Variants in SCNN1D observed in about 807,000 individuals in gnomAD.
SCNN1D encodes sodium channel epithelial 1 subunit delta, also known as epithelial sodium channel subunit delta.
In SCNN1D, 104 loss-of-function variants were observed where a neutral mutation model predicts 87.8. That is an observed-to-expected ratio of 1.18 (90% CI 1.01 to 1.39). SCNN1D has a LOEUF of 1.39. Ranked by LOEUF, SCNN1D falls within the 40% of genes most tolerant of loss-of-function variation. The pLI is 0.00. For synonymous variants in SCNN1D, 628 were observed against 481.2 expected (o/e 1.31, Z -3.99); for missense variants, 1,324 against 1,093.9 (o/e 1.21, Z -2.97).
At chr1:1,289,934 GTC>G (rs1452613988) in intron 12 of SCNN1D, among the ~76,000 whole-genome samples, 4 of 56,996 alleles carry the variant, frequency 7.0e-5, no homozygotes, top group African/African-American at 1.6e-4. Context: ...CGTCCCCCGT[GTC>G]TCTGCTCCGT....
intron 7 of SCNN1D, 68 bp from the exon 8 acceptor site, chr1:1,286,700 C>T (rs989647488): frequency 2.7e-6 from 4 of 1,467,838 alleles, no homozygotes; most frequent in African/African-American, 1.4e-5. Context: ...CGACAGCACA[C>T]ACTGGGATGC....
chr1:1,288,219 T>TCCCGTGTCTCTGCTCCGTCC (rs1557584152), intron 12 of SCNN1D, among the ~76,000 whole-genome samples, 182 bp downstream of exon 12: 7 of 137,928 alleles, frequency 5.1e-5, no homozygotes, highest in Non-Finnish European at 7.9e-5. Flanking sequence ...CTCTGCTCCG[T>TCCCGTGTCTCTGCTCCGTCC]CCCGTGTCTC....
intron 4 of SCNN1D, among the ~76,000 whole-genome samples, chr1:1,282,998 C>T (rs1031348426): frequency 6.6e-6 from 1 of 151,978 alleles, no homozygotes; most frequent in East Asian, 1.9e-4. Flanking sequence ...GTGATCCGCC[C>T]GCCTCGGCCT....
chr1:1,282,634 A>G (rs1038146182), intron 4 of SCNN1D, among the ~76,000 whole-genome samples: 5 of 152,082 alleles, frequency 3.3e-5, no homozygotes, highest in Non-Finnish European at 5.9e-5. Context: ...ATGTGGTCTT[A>G]GCATGTGTGA....
At chr1:1,283,754 C>T (rs1640515613) in intron 4 of SCNN1D, among the ~76,000 whole-genome samples, 1 of 151,840 alleles carries the variant, frequency 6.6e-6, no homozygotes, top group Admixed American at 6.6e-5. Context: ...CCAACACTGT[C>T]CTCCCCCTCC....
chr1:1,284,321 TG>T (rs1267397917), intron 5 of SCNN1D, among the ~76,000 whole-genome samples: 91 of 38,624 alleles, frequency 2.4e-3, no homozygotes, highest in African/African-American at 8.4e-3. Context: ...GGGGTAGGGG[TG>T]GGGGGGTGGG....
chr1:1,288,541 GC>G (rs1640684584), intron 12 of SCNN1D, among the ~76,000 whole-genome samples: 4 of 54,660 alleles, frequency 7.3e-5, no homozygotes, highest in Admixed American at 2.8e-4. Flanking sequence ...CCGTGTCTCT[GC>G]TCCGTCCCCC....
intron 4 of SCNN1D, 80 bp from the exon 5 acceptor site, chr1:1,283,898 C>A: frequency 1.4e-6 from 1 of 706,576 alleles, no homozygotes; most frequent in Non-Finnish European, 2.1e-6. Flanking sequence ...CTTTTGGGTC[C>A]GGGGCAGGTG....
intron 9 of SCNN1D, 93 bp from the exon 10 acceptor site, chr1:1,287,415 T>C (rs889804231): frequency 6.0e-6 from 9 of 1,490,130 alleles, no homozygotes; most frequent in Non-Finnish European, 6.3e-6. Context: ...GGAGGAACTT[T>C]CCGCAGACAC....
rs369618401 is a variant in SCNN1D, at chr1:1,290,491, C to A, written c.1795C>A (p.Arg599Ser). 1 of 1,612,604 alleles carries A rather than the reference C, an allele frequency of 6.2e-7. No homozygotes were observed. Among genetic ancestry groups the A allele is most frequent in the Non-Finnish European group, 8.5e-7 (1 of 1,179,932 alleles). Reference protein sequence around the residue: ...RHPAWGHCFYRLYQDLETHRL... With the variant: ...RHPAWGHCFYSLYQDLETHRL... ...CCCTCCCCAAGGACACTGCTTCTAC[C>A]GCCTCTACCAGGACCTGGAGACCCA... The change falls in exon 14 of 18, where the codon CGC (arginine) becomes AGC (serine). Residue 599 changes from arginine to serine, a missense_variant. Coordinates refer to ENST00000379116, the MANE Select transcript of SCNN1D (RefSeq NM_001130413.4).
chr1:1,287,734 C>A lies in SCNN1D; in HGVS notation c.1461C>A (p.Ala487=), dbSNP rs372413037. 14 of 1,608,496 alleles carry A rather than the reference C, an allele frequency of 8.7e-6. No homozygotes were observed. Among genetic ancestry groups the A allele is most frequent in the Non-Finnish European group, 1.2e-5 (14 of 1,178,000 alleles). ...ACCTCCCTCTGCTGTCCACGCTGGC[C>A]GGCATCAGGGTCATGGTTCACGGCC... ...QPHLPLLSTL[A]GIRVMVHGRN... Residue 487 remains alanine (A), a synonymous_variant, in exon 11 of 18, where the codon GCC becomes GCA. Coordinates refer to ENST00000379116, the MANE Select transcript of SCNN1D (RefSeq NM_001130413.4).
At position 1,291,646 on chromosome 1, in the gene SCNN1D, G is replaced by C; in HGVS notation, c.*36G>C. 1 of 1,443,402 alleles carries C rather than the reference G, an allele frequency of 6.9e-7. No homozygotes were observed. The highest frequency in any genetic ancestry group is 9.3e-7 in the Non-Finnish European group (1 of 1,080,672). 89.4% of individuals were successfully genotyped at this position (1,443,402 alleles called of 1,614,324 possible). On this transcript the variant is annotated 3_prime_UTR_variant, in exon 18 of 18. Coordinates refer to ENST00000379116, the MANE Select transcript of SCNN1D (RefSeq NM_001130413.4). ...CCAGGGCTGTGCGATCTCTTGGCCT[G>C]GTCCTTGCAGCTGTGGCAGCAGCAG... is the stretch of plus-strand genomic sequence containing the variant.
chr1:1,288,327 TCCCGTGTCTCTGCCCCGTCC>T (rs1557584542), intron 12 of SCNN1D, among the ~76,000 whole-genome samples: 15 of 62,058 alleles, frequency 2.4e-4, no homozygotes, highest in South Asian at 1.1e-3. Context: ...CCCTGCTCCG[TCCCGTGTCTCTGCCCCGTCC>T]CCCGTGTCTC....
rs1640609427 is a variant in SCNN1D, at chr1:1,287,088, A to T, written c.1120-21A>T. ...GGCCTGGGCTGTAGCCACAGAGCTG[A>T]CCCTCCCTCCCCTCTCCCAGTGCAA... On this transcript the variant is annotated intron_variant, in intron 8 of 17. Coordinates refer to ENST00000379116, the MANE Select transcript of SCNN1D (RefSeq NM_001130413.4). 3 of 1,581,528 alleles carry T rather than the reference A, an allele frequency of 1.9e-6. No homozygotes were observed. In the African/African-American group the frequency reaches 4.0e-5, roughly 21 times the overall value.
At chr1:1,288,141 C>G (rs1640648725) in intron 12 of SCNN1D, 104 bp downstream of exon 12, 1 of 867,278 alleles carries the variant, frequency 1.2e-6, no homozygotes, top group Non-Finnish European at 1.7e-6. Flanking sequence ...ACTAGAGGGC[C>G]TGGGAACGGG....
At position 1,290,632 on chromosome 1, in the gene SCNN1D, T is replaced by A. The variant is rs1446435675; in HGVS notation, c.1860-5T>A. 1.2e-6 allele frequency: 2 copies of A among 1,612,592 alleles called. No homozygotes were observed. Among genetic ancestry groups the A allele is most frequent in the Non-Finnish European group, 1.7e-6 (2 of 1,179,918 alleles). On this transcript the variant is annotated splice_polypyrimidine_tract_variant and splice_region_variant and intron_variant, in intron 14 of 17. Coordinates refer to ENST00000379116, the MANE Select transcript of SCNN1D (RefSeq NM_001130413.4). ...TGGCAGGTGACACCCGGCTGTCTCT[T>A]CCAGGGAGTCTGCATTCAAGCTCTC...
chr1:1,284,366 G>C (rs1376606887), intron 5 of SCNN1D, among the ~76,000 whole-genome samples: 1 of 144,506 alleles, frequency 6.9e-6, no homozygotes, highest in Non-Finnish European at 1.5e-5. Context: ...GAGGTACCAG[G>C]GGCTGGGTTG....
At chr1:1,288,087 C>CGGGGGCAGGTGAGGCTGGGCTGGA in intron 12 of SCNN1D, 50 bp downstream of exon 12, 1 of 785,986 alleles carries the variant, frequency 1.3e-6, no homozygotes, top group Non-Finnish European at 1.8e-6. Flanking sequence ...CTGGGCTGGC[C>CGGGGGCAGGTGAGGCTGGGCTGGA]AGGGGGTGTG....
chr1:1,286,914 G>A lies in SCNN1D; in HGVS notation c.1058G>A (p.Arg353Gln), dbSNP rs760368506. The A allele has an allele frequency of 1.6e-5, 26 of 1,612,312 alleles. No individual in the cohort carries two copies. In the African/African-American group the frequency reaches 1.9e-4, roughly 12 times the overall value. The change falls in exon 8 of 18, where the codon CGG becomes CAG. Residue 353 changes from arginine (R) to glutamine (Q), a missense_variant. Arg to Gln is a conservative substitution (Grantham distance 43). Coordinates refer to ENST00000379116, the MANE Select transcript of SCNN1D (RefSeq NM_001130413.4). ...CACGAGCCCCCCTTCCACCTGGACC[G>A]GGAGATCCGTCTGCAGAGGCTGAGC... is the stretch of plus-strand genomic sequence containing the variant. Reference protein sequence around the residue: ...PRHEPPFHLDREIRLQRLSHS... With the variant: ...PRHEPPFHLDQEIRLQRLSHS...
Sources: gnomAD v4.1 joint callset for allele counts (sites outside exome capture counted in the v4.1 genomes callset) on GRCh38, gnomAD v4.1.1 for gene constraint, MANE v1.5 for transcripts, NCBI Gene and HGNC (gene_info 2026-07-23, HGNC 2026-07-21) for gene names.